Variants in LRCH2 observed in about 807,000 individuals in gnomAD.
LRCH2 encodes leucine-rich repeat and calponin homology domain-containing protein 2.
In LRCH2, 38 loss-of-function variants were observed where a neutral mutation model predicts 68.9. The ratio of observed to expected loss-of-function variants is 0.55; its 90% CI spans 0.43 to 0.72. The LOEUF (loss-of-function observed/expected upper bound fraction) is 0.72, where lower values mean the gene tolerates loss of function less well. LRCH2 is among the 30% of genes least tolerant of loss of function. The pLI is 0.00. For synonymous variants in LRCH2, 191 were observed against 208.1 expected (o/e 0.92, Z 0.71); for missense variants, 528 against 572.9 (o/e 0.92, Z 0.80).
Position 115,165,668 on chromosome X carries a change from T to A in LRCH2, c.1199-13A>T. On this transcript the variant is annotated splice_polypyrimidine_tract_variant and intron_variant, in intron 8 of 20. Coordinates refer to ENST00000317135, the MANE Select transcript of LRCH2 (RefSeq NM_020871.4). ...TATACCTCCTGGTCTAGGTACAGAT[T>A]AATATTTATTAGAAAATGTACATAG... 1 of 1,070,473 alleles carries A rather than the reference T, an allele frequency of 9.3e-7. No homozygotes were observed. The highest frequency in any genetic ancestry group is 1.3e-6 in the Non-Finnish European group (1 of 793,428). 88.2% of individuals were successfully genotyped at this position (1,070,473 alleles called of 1,213,427 possible).
chrX:115,192,358 C>T (rs1556561209), intron 1 of LRCH2: 5 of 1,081,307 alleles, frequency 4.6e-6, no homozygotes, highest in Non-Finnish European at 6.2e-6. Flanking sequence ...GAGTTACGGC[C>T]TGAGCGACCG....
chrX:115,219,284 A>G (rs782751214), intron 1 of LRCH2, among the ~76,000 whole-genome samples: 9 of 112,023 alleles, frequency 8.0e-5, no homozygotes. Context: ...CCCTAAAATA[A>G]TACTGTATTT....
At chrX:115,116,674 T>A (rs1556524169) in intron 20 of LRCH2, among the ~76,000 whole-genome samples, 1 of 111,043 alleles carries the variant, frequency 9.0e-6, no homozygotes, top group Non-Finnish European at 1.9e-5. Flanking sequence ...TGTAATTATA[T>A]CTCAATAAAA....
In LRCH2 at chrX:115,192,623, G is replaced by C. The variant is rs5988232; in HGVS notation, c.350-4253C>G. The C allele has an allele frequency of 1.6e-3, 1,906 of 1,169,049 alleles. 25 individuals are homozygous for C. In the African/African-American group the frequency reaches 0.03, roughly 18 times the overall value. On this transcript the variant is annotated intron_variant, in intron 1 of 20. Coordinates refer to ENST00000317135, the MANE Select transcript of LRCH2 (RefSeq NM_020871.4). ...CGTCAAGGAGGCCGCTTCGAGAGGG[G>C]GGAAGGCCGGAGCAGATACTAAGCA...
intron 1 of LRCH2, among the ~76,000 whole-genome samples, chrX:115,199,279 G>A (rs193299953): frequency 5.6e-4 from 63 of 111,869 alleles, no homozygotes; most frequent in African/African-American, 2.0e-3. Context: ...TTAACAATAC[G>A]ACAAGAACAA....
intron 17 of LRCH2, among the ~76,000 whole-genome samples, chrX:115,123,649 T>G (rs2147346359): frequency 8.9e-6 from 1 of 112,094 alleles, no homozygotes; most frequent in South Asian, 3.7e-4. Context: ...GTGCTATAAT[T>G]TCAAACAGTG....
chrX:115,153,477 C>T (rs955164762), intron 12 of LRCH2, among the ~76,000 whole-genome samples: 1 of 111,008 alleles, frequency 9.0e-6, no homozygotes, highest in African/African-American at 3.3e-5. Flanking sequence ...AAATAAAGGG[C>T]ACTGGAGATA....
chrX:115,189,599 T>C, intron 1 of LRCH2: 2 of 1,169,736 alleles, frequency 1.7e-6, no homozygotes, highest in East Asian at 3.2e-5. Context: ...GGCTTCGCGT[T>C]CGTCACCTTC....
At chrX:115,163,599 T>C in intron 11 of LRCH2, 77 bp downstream of exon 11, 2 of 721,359 alleles carry the variant, frequency 2.8e-6, no homozygotes, top group East Asian at 3.6e-5. Context: ...AAACTTCATA[T>C]ACTTTGATAA....
intron 3 of LRCH2, among the ~76,000 whole-genome samples, chrX:115,182,307 A>G (rs1292321128): frequency 1.1e-4 from 12 of 111,955 alleles, no homozygotes; most frequent in African/African-American, 3.9e-4. Flanking sequence ...CTTAAATTAT[A>G]ACCTTTATAA....
At chrX:115,113,776 C>T (rs2072060307) in intron 20 of LRCH2, among the ~76,000 whole-genome samples, 2 of 111,335 alleles carry the variant, frequency 1.8e-5, no homozygotes, top group Non-Finnish European at 1.9e-5. Context: ...TTGATTAATG[C>T]CTTTCTGGGA....
chrX:115,221,966 G>A (rs2073088513), intron 1 of LRCH2, among the ~76,000 whole-genome samples: 1 of 109,765 alleles, frequency 9.1e-6, no homozygotes, highest in African/African-American at 3.3e-5. Flanking sequence ...AAAACCCTGA[G>A]GCATCGAACA....
chrX:115,150,409 CT>C (rs1474436776), intron 12 of LRCH2, among the ~76,000 whole-genome samples: 19 of 110,478 alleles, frequency 1.7e-4, no homozygotes, highest in African/African-American at 5.9e-4. Context: ...TTAACAAAGA[CT>C]AAAAAAAACT....
chrX:115,232,982 A>T, intron 1 of LRCH2, among the ~76,000 whole-genome samples: 1 of 112,085 alleles, frequency 8.9e-6, no homozygotes, highest in Non-Finnish European at 1.9e-5. Context: ...TCTCAAAAAT[A>T]CCCTTAAAAT....
rs782358260 is a variant in LRCH2 at position 115,197,847 on chromosome X, T to TCTCTCTCTCTCTCTCTCTCACA, written c.350-9478_350-9477insTGTGAGAGAGAGAGAGAGAGAG. On this transcript the variant is annotated intron_variant, in intron 1 of 20. Transcript: ENST00000317135. ...CTCTCTCTCTCTCTCTCTCTCTCTC[T>TCTCTCTCTCTCTCTCTCTCACA]CACACACACACACACACACACACAC... is the stretch of plus-strand genomic sequence containing the variant. Among the ~76,000 whole-genome samples the TCTCTCTCTCTCTCTCTCTCACA allele has an allele frequency of 2.7e-3, 55 of 20,567 alleles. 5 individuals are homozygous for TCTCTCTCTCTCTCTCTCTCACA. Among genetic ancestry groups the TCTCTCTCTCTCTCTCTCTCACA allele is most frequent in the African/African-American group, 3.5e-3 (18 of 5,184 alleles). 17.9% of individuals were successfully genotyped at this position (20,567 alleles called of 115,157 possible). A position where few individuals can be genotyped will look rare whatever the true frequency, so the allele number is the denominator to read the frequency against.
In LRCH2 at chrX:115,122,900, A is replaced by G. The variant is rs781794513; in HGVS notation, c.1963-3T>C. 8.4e-7 allele frequency: 1 copy of G among 1,196,884 alleles called. No homozygotes were observed. Among genetic ancestry groups the G allele is most frequent in the Non-Finnish European group, 1.1e-6 (1 of 884,966 alleles). On this transcript the variant is annotated splice_region_variant and splice_polypyrimidine_tract_variant and intron_variant, in intron 18 of 20. Transcript: ENST00000317135. ...ACTTTTAACCTGGATTCAAGATTCT[A>G]TAGAAAAACAGGTATAAATCAGATA...
At chrX:115,213,850 C>G (rs1556570652) in intron 1 of LRCH2, among the ~76,000 whole-genome samples, 2 of 111,608 alleles carry the variant, frequency 1.8e-5, no homozygotes, top group African/African-American at 6.5e-5. Flanking sequence ...ATTCCTATTT[C>G]AGAGCTATTG....
At chrX:115,189,348 A>G in intron 1 of LRCH2, 1 of 966,104 alleles carries the variant, frequency 1.0e-6, no homozygotes, top group Non-Finnish European at 1.4e-6. Flanking sequence ...CCCAACCGGT[A>G]GGAGCCGCCC....
At chrX:115,224,770 G>GA (rs2073108347) in intron 1 of LRCH2, among the ~76,000 whole-genome samples, 2 of 110,693 alleles carry the variant, frequency 1.8e-5, no homozygotes, top group Non-Finnish European at 3.8e-5. Context: ...CAATTTCACT[G>GA]AAAAATCACT....
Sources: gnomAD v4.1 joint callset for allele counts (sites outside exome capture counted in the v4.1 genomes callset) on GRCh38, gnomAD v4.1.1 for gene constraint, MANE v1.5 for transcripts, NCBI Gene and HGNC (gene_info 2026-07-23, HGNC 2026-07-21) for gene names.